The following SRRM4 variants were observed in gnomAD, a reference collection of about 807,000 sequenced individuals.
The protein encoded by SRRM4 is serine/arginine repetitive matrix 4, also known as serine/arginine repetitive matrix protein 4.
Under a neutral mutation model 68.9 loss-of-function variants are expected in SRRM4, and 33 were observed. That is an observed-to-expected ratio of 0.48 (90% CI 0.36 to 0.64). The LOEUF (loss-of-function observed/expected upper bound fraction) is 0.64, where lower values mean the gene tolerates loss of function less well. Among genes scored for constraint, SRRM4 ranks in the 30% least tolerant of loss-of-function variants. The pLI is 0.00. For synonymous variants in SRRM4, 318 were observed against 318.8 expected (o/e 1.00, Z 0.03); for missense variants, 817 against 827.1 (o/e 0.99, Z 0.15).
intron 1 of SRRM4, among the ~76,000 whole-genome samples, chr12:119,002,231 A>G (rs978295645): frequency 6.6e-6 from 1 of 152,176 alleles, no homozygotes; most frequent in African/African-American, 2.4e-5. Context: ...AGCAAAAAAA[A>G]AAAAATTTTT....
At chr12:119,105,447 G>A (rs914915001) in intron 2 of SRRM4, among the ~76,000 whole-genome samples, 2 of 152,200 alleles carry the variant, frequency 1.3e-5, no homozygotes, top group African/African-American at 4.8e-5. Context: ...CAGTGTAAAA[G>A]TGTTCCTATT....
At chr12:119,150,497 A>G (rs1354935544) in intron 9 of SRRM4, among the ~76,000 whole-genome samples, 1 of 152,212 alleles carries the variant, frequency 6.6e-6, no homozygotes, top group African/African-American at 2.4e-5. Context: ...AAAGGTACCT[A>G]TAAAAACACA....
chr12:119,112,795 C>A (rs1183287432), intron 2 of SRRM4, among the ~76,000 whole-genome samples: 1 of 151,970 alleles, frequency 6.6e-6, no homozygotes, highest in Non-Finnish European at 1.5e-5. Flanking sequence ...CACACTGGGG[C>A]CTGTTGGGGG....
chr12:119,008,144 G>A (rs1034668939), intron 1 of SRRM4, among the ~76,000 whole-genome samples: 2 of 152,150 alleles, frequency 1.3e-5, no homozygotes, highest in Non-Finnish European at 2.9e-5. Context: ...GCTCATGCCT[G>A]TAATCCCAGC....
At chr12:119,119,410 T>C (rs1954203616) in intron 4 of SRRM4, among the ~76,000 whole-genome samples, 1 of 151,692 alleles carries the variant, frequency 6.6e-6, no homozygotes, top group Non-Finnish European at 1.5e-5. Context: ...GAGAAGTCTG[T>C]ACCCTGATGA....
At position 119,004,963 on chromosome 12, in the gene SRRM4, G is replaced by T. The variant is rs1201998099; in HGVS notation, c.131+22950G>T. Among the ~76,000 whole-genome samples, 2 of 150,432 alleles carry T rather than the reference G, an allele frequency of 1.3e-5. 1 individual carries two copies. The highest frequency in any genetic ancestry group is 4.2e-4 in the South Asian group (2 of 4,732). On this transcript the variant is annotated intron_variant, in intron 1 of 12. Coordinates refer to ENST00000267260, the MANE Select transcript of SRRM4 (RefSeq NM_194286.4). ...ACTGTATTTCAGGGGCACCCAACTG[G>T]TTCACCCAGAGAAGATTAAAACAGG...
At chr12:119,062,953 T>C (rs1199709134) in intron 1 of SRRM4, among the ~76,000 whole-genome samples, 1 of 152,242 alleles carries the variant, frequency 6.6e-6, no homozygotes, top group Admixed American at 6.5e-5. Context: ...AGATATTGTT[T>C]GTCAACTTAT....
chr12:119,105,738 T>C (rs549388401), intron 2 of SRRM4, among the ~76,000 whole-genome samples: 207 of 152,318 alleles, frequency 1.4e-3, no homozygotes, highest in African/African-American at 4.8e-3. Flanking sequence ...GTCAGATAGG[T>C]AGATTGTAAA....
At chr12:119,125,587 C>T (rs769965375) in intron 7 of SRRM4, 108 bp downstream of exon 7, 10 of 907,510 alleles carry the variant, frequency 1.1e-5, no homozygotes, top group Non-Finnish European at 1.7e-5. Context: ...GTTTGGCCCC[C>T]TTCCTCAGAC....
In SRRM4 at chr12:119,114,213, C is replaced by G; in HGVS notation, c.279-65C>G. 9 of 1,445,504 alleles carry G rather than the reference C, an allele frequency of 6.2e-6. No individual in the cohort carries two copies. In the South Asian group the frequency reaches 1.1e-4, roughly 17 times the overall value. The allele number at this position is 1,445,504 out of a possible 1,614,324, so 89.5% of individuals were successfully genotyped here. ...GGACCTGGGTCCTTCCCTGGCTGCA[C>G]CAGCTCTGGTTGGGGAGTTGGGGAA... On this transcript the variant is annotated intron_variant, in intron 2 of 12. Transcript: ENST00000267260.
At chr12:119,030,204 G>C (rs1183064081) in intron 1 of SRRM4, among the ~76,000 whole-genome samples, 1 of 152,222 alleles carries the variant, frequency 6.6e-6, no homozygotes, top group Admixed American at 6.5e-5. Context: ...TGAAATGTCA[G>C]GAACCAAGGG....
Position 119,145,495 on chromosome 12 carries a change from T to C in SRRM4, c.886T>C (p.Ser296Pro), listed in dbSNP as rs746500524. The C allele has an allele frequency of 5.6e-6, 9 of 1,610,016 alleles. No individual in the cohort carries two copies. In the Admixed American group the frequency reaches 1.5e-4, roughly 27 times the overall value. Residue 296 changes from serine (S) to proline (P), a missense_variant, in exon 9 of 13, where the codon TCC (serine) becomes CCC (proline). Ser to Pro is a moderately conservative substitution (Grantham distance 74, BLOSUM62 -1). Coordinates refer to ENST00000267260, the MANE Select transcript of SRRM4 (RefSeq NM_194286.4). ...DSGNDTSSPP[S>P]TQTSSARSRG... ...AGGAAATGACACGTCCTCGCCACCC[T>C]CCACGCAAACCAGCTCAGCCAGGTC...
chr12:118,991,711 T>A (rs1244924079), intron 1 of SRRM4: 2 of 152,264 alleles, frequency 1.3e-5, no homozygotes, highest in African/African-American at 4.8e-5. Flanking sequence ...GTAATGTTAT[T>A]TCCTCTGATT....
chr12:119,062,074 T>A (rs773953851), intron 1 of SRRM4, among the ~76,000 whole-genome samples: 3 of 152,244 alleles, frequency 2.0e-5, no homozygotes, highest in Non-Finnish European at 4.4e-5. Flanking sequence ...ATGGTACAGC[T>A]TGCTGCACCT....
At position 119,137,587 on chromosome 12, in the gene SRRM4, GGAGAGAGAGAGAGAGAGAGAGA is replaced by G. The variant is rs55883419; in HGVS notation, c.771+6779_771+6800del. Among the ~76,000 whole-genome samples, 22 of 119,194 alleles carry G rather than the reference GGAGAGAGAGAGAGAGAGAGAGA, an allele frequency of 1.8e-4. No homozygotes were observed. The East Asian group carries it at 3.2e-3, about 17-fold the overall frequency. 78.2% of individuals were successfully genotyped at this position (119,194 alleles called of 152,430 possible). ...AAGGAGATGAGGCGAGGTTTGGAGT[GGAGAGAGAGAGAGAGAGAGAGA>G]GAGAGAGAGAGAGAGAGAGAGAGAG... On this transcript the variant is annotated intron_variant, in intron 8 of 12. Coordinates refer to ENST00000267260, the MANE Select transcript of SRRM4 (RefSeq NM_194286.4).
intron 1 of SRRM4, among the ~76,000 whole-genome samples, chr12:119,099,230 G>A (rs557762763): frequency 1.3e-5 from 2 of 152,210 alleles, no homozygotes; most frequent in Admixed American, 6.5e-5. Context: ...TGCTTCCTGG[G>A]TTCAAGCGAT....
intron 1 of SRRM4, among the ~76,000 whole-genome samples, chr12:119,023,054 A>G (rs756659098): frequency 1.2e-4 from 18 of 152,190 alleles, no homozygotes; most frequent in Admixed American, 6.5e-4. Context: ...TACACCTGTC[A>G]CGGTAAGAAG....
chr12:119,116,809 G>T, intron 3 of SRRM4, 128 bp from the exon 4 acceptor site: 1 of 644,926 alleles, frequency 1.6e-6, no homozygotes. Flanking sequence ...TATCAGCATG[G>T]ATATTATCTT....
chr12:119,079,196 A>G (rs937448579), intron 1 of SRRM4, among the ~76,000 whole-genome samples: 3 of 152,192 alleles, frequency 2.0e-5, no homozygotes, highest in African/African-American at 7.2e-5. Context: ...GGGTGGCACT[A>G]TCAGGTTGGT....
Sources: allele counts gnomAD v4.1 joint callset (sites outside exome capture counted in the v4.1 genomes callset), GRCh38; gene constraint gnomAD v4.1.1; transcripts MANE v1.5; gene names NCBI Gene and HGNC (gene_info 2026-07-23, HGNC 2026-07-21).